Variants in COQ6 observed in about 807,000 individuals in gnomAD.
COQ6 encodes ubiquinone biosynthesis monooxygenase COQ6, mitochondrial.
In COQ6, 45 loss-of-function variants were observed where a neutral mutation model predicts 55.5. That is an observed-to-expected ratio of 0.81 (90% CI 0.64 to 1.04). The LOEUF (loss-of-function observed/expected upper bound fraction) is 1.04, where lower values mean the gene tolerates loss of function less well. Among genes scored for constraint, COQ6 ranks in the 50% least tolerant of loss-of-function variants. The pLI is 0.00. For synonymous variants in COQ6, 206 were observed against 230.5 expected (o/e 0.89, Z 0.96); for missense variants, 550 against 601.3 (o/e 0.91, Z 0.89).
intron 1 of COQ6, among the ~76,000 whole-genome samples, chr14:73,952,204 C>T (rs1031817746): frequency 6.8e-6 from 1 of 146,324 alleles, no homozygotes; most frequent in Non-Finnish European, 1.5e-5. Context: ...CTCACTGCAA[C>T]CTCTGCCTCC....
chr14:73,953,698 G>A (rs1333693757), intron 2 of COQ6, 129 bp downstream of exon 2: 7 of 1,236,298 alleles, frequency 5.7e-6, no homozygotes, highest in African/African-American at 1.5e-5. Flanking sequence ...GAGAGAGGGG[G>A]TGGGATTGGT....
chr14:73,962,383 A>G (rs1299556602), intron 11 of COQ6, among the ~76,000 whole-genome samples: 3 of 152,054 alleles, frequency 2.0e-5, no homozygotes, highest in Admixed American at 6.6e-5. Context: ...AGCAATAACT[A>G]TGTATAAAAA....
intron 8 of COQ6, chr14:73,959,731 A>G (rs1166554535): frequency 1.7e-6 from 2 of 1,155,508 alleles, no homozygotes; most frequent in South Asian, 1.6e-5. Flanking sequence ...CACCATGCCC[A>G]GCTAATTTTT....
chr14:73,954,830 C>T (rs150260008), intron 2 of COQ6, among the ~76,000 whole-genome samples: 33,346 of 103,608 alleles, frequency 0.32, 6,202 homozygotes, highest in Non-Finnish European at 0.42. Context: ...GGCTACAGAG[C>T]GAGATTCCGT....
chr14:73,959,049 G>C lies in COQ6; in HGVS notation c.691G>C (p.Ala231Pro). ...TGTGAGCTGGAACTATGACCAGTCT[G>C]CTGTTGTGGCTACTCTGCATTTATC... ...QNVSWNYDQS[A>P]VVATLHLSEA... is the part of the protein sequence containing the mutation. The change falls in exon 6 of 12, where the codon GCT becomes CCT. Residue 231 changes from alanine to proline, a missense_variant. Physicochemically the swap from Ala to Pro is conservative, Grantham distance 27 (BLOSUM62 -1). Transcript: ENST00000334571. The C allele has an allele frequency of 6.2e-7, 1 of 1,614,212 alleles. No homozygotes were observed. The highest frequency in any genetic ancestry group is 8.5e-7 in the Non-Finnish European group (1 of 1,180,034).
intron 8 of COQ6, 115 bp from the exon 9 acceptor site, chr14:73,961,058 G>GC (rs1343217556): frequency 1.0e-5 from 12 of 1,188,890 alleles, no homozygotes; most frequent in Non-Finnish European, 1.3e-5. Flanking sequence ...ATCAGTGTAG[G>GC]CAAGTTGGGT....
chr14:73,958,444 T>A, intron 5 of COQ6, 167 bp downstream of exon 5: 2 of 1,487,070 alleles, frequency 1.3e-6, no homozygotes, highest in Non-Finnish European at 9.0e-7. Flanking sequence ...GGTCTCATCG[T>A]AAATCCTGTA....
At chr14:73,955,639 G>A in intron 3 of COQ6, 130 bp downstream of exon 3, 1 of 1,345,566 alleles carries the variant, frequency 7.4e-7, no homozygotes, top group Non-Finnish European at 1.1e-6. Context: ...CGAGGAAGTG[G>A]GGAGAAGCAT....
intron 1 of COQ6, among the ~76,000 whole-genome samples, chr14:73,952,236 C>T (rs2056231747): frequency 1.3e-5 from 2 of 149,674 alleles, no homozygotes; most frequent in South Asian, 4.3e-4. Flanking sequence ...GATTCTCCTG[C>T]CTCAGCCTTC....
At chr14:73,961,989 C>A in intron 11 of COQ6, 86 bp downstream of exon 11, 2 of 1,509,818 alleles carry the variant, frequency 1.3e-6, no homozygotes, top group Non-Finnish European at 1.8e-6. Context: ...GTCTTATCGC[C>A]CAGGATGGAG....
rs1329619686 is a variant in COQ6 at position 73,961,895 on chromosome 14, C to T, written c.1369C>T (p.Pro457Ser). Residue 457 changes from proline (P) to serine (S), a missense_variant, in exon 11 of 12, where the codon CCA (proline) becomes TCA (serine). Transcript: ENST00000334571. The stretch of plus-strand genomic sequence containing the variant: ...CTTGCAGGCCACAAATGCAGTGTCT[C>T]CACTCAAAGTAAGAGGTTGCTCAGA... ...WGLQATNAVS[P>S]LKEQIMAFAS... 1 of 1,614,018 alleles carries T rather than the reference C, an allele frequency of 6.2e-7. No homozygotes were observed. Among genetic ancestry groups the T allele is most frequent in the Non-Finnish European group, 8.5e-7 (1 of 1,180,028 alleles).
chr14:73,956,661 T>G (rs1480389351), intron 4 of COQ6: 1 of 57,470 alleles, frequency 1.7e-5, no homozygotes, highest in Non-Finnish European at 5.2e-5. Context: ...GTATCCACTT[T>G]GGAGAAATGT....
chr14:73,949,949 G>C, upstream of COQ6: 2 of 1,612,630 alleles, frequency 1.2e-6, no homozygotes, highest in Non-Finnish European at 1.7e-6. Flanking sequence ...CCTTTCCCGG[G>C]GGCAGTCTCT....
rs138207028 is a variant in COQ6 at position 73,961,192 on chromosome 14, C to T, written c.911C>T (p.Thr304Met). The stretch of plus-strand genomic sequence containing the variant: ...GCTCAGTGGAGTGATGCTGACCACA[C>T]GGACTTCATCGACACAGCTGGTGCC... The part of the protein sequence containing the change: ...NSAFWSDADH[T>M]DFIDTAGAML... Residue 304 changes from threonine to methionine, a missense_variant, in exon 9 of 12, where the codon ACG becomes ATG. Transcript: ENST00000334571. 2.2e-5 allele frequency: 36 copies of T among 1,613,776 alleles called. No homozygotes were observed. The highest frequency in any genetic ancestry group is 1.8e-4 in the East Asian group (8 of 44,880).
chr14:73,955,016 A>G (rs2056365192), intron 2 of COQ6, among the ~76,000 whole-genome samples: 1 of 137,236 alleles, frequency 7.3e-6, no homozygotes, highest in Non-Finnish European at 1.5e-5. Flanking sequence ...CAGTGGCACG[A>G]TCTCGGCTCA....
At chr14:73,952,691 C>T (rs2056248703) in intron 1 of COQ6, among the ~76,000 whole-genome samples, 1 of 151,994 alleles carries the variant, frequency 6.6e-6, no homozygotes, top group Non-Finnish European at 1.5e-5. Context: ...CTTTTATAAA[C>T]TCTAATTCTT....
At chr14:73,961,150 G>C in intron 8 of COQ6, 23 bp from the exon 9 acceptor site, 1 of 1,611,054 alleles carries the variant, frequency 6.2e-7, no homozygotes, top group Non-Finnish European at 8.5e-7. Context: ...CACCTTGTTT[G>C]TCTTGTGGCT....
At chr14:73,955,576 TC>T (rs766895550) in intron 3 of COQ6, 67 bp downstream of exon 3, 1 of 1,488,116 alleles carries the variant, frequency 6.7e-7, no homozygotes, top group African/African-American at 1.4e-5. Context: ...GAGTCCACTT[TC>T]TCCAAGTGTT....
intron 4 of COQ6, chr14:73,956,831 T>TA (rs1169861569): frequency 2.0e-5 from 3 of 152,166 alleles, no homozygotes; most frequent in African/African-American, 7.2e-5. Context: ...TGCTTTTTGA[T>TA]ATTGGATAGT....
Sources: allele counts gnomAD v4.1 joint callset (sites outside exome capture counted in the v4.1 genomes callset), GRCh38; gene constraint gnomAD v4.1.1; transcripts MANE v1.5; gene names NCBI Gene and HGNC (gene_info 2026-07-23, HGNC 2026-07-21).